The following IGF1 variants were observed in gnomAD, a reference collection of about 807,000 sequenced individuals.
The protein encoded by IGF1 is insulin like growth factor 1.
Under a neutral mutation model 13.8 loss-of-function variants are expected in IGF1, and 4 were observed. The observed-to-expected ratio is 0.29, with a 90% CI of 0.14 to 0.66. The LOEUF is 0.66. Among genes scored for constraint, IGF1 ranks in the 30% least tolerant of loss-of-function variants. The pLI is 0.78. For missense variants in IGF1, 124 were observed against 188.5 expected (o/e 0.66, Z 2.00); for synonymous variants, 76 against 72.6 (o/e 1.05, Z -0.23).
At chr12:102,415,567 C>CTTCCTTCCTTCCTTCT (rs1875051104) in intron 3 of IGF1, 2 of 141,806 alleles carry the variant, frequency 1.4e-5, no homozygotes, top group Non-Finnish European at 3.1e-5. Context: ...TCCTTCCTTC[C>CTTCCTTCCTTCCTTCT]TTCCTTCCTT....
intron 2 of IGF1, among the ~76,000 whole-genome samples, chr12:102,422,000 T>C (rs994250476): frequency 1.3e-5 from 2 of 151,854 alleles, no homozygotes; most frequent in Non-Finnish European, 2.9e-5. Context: ...TCTTGTAAAA[T>C]AGAAAGTCAT....
At chr12:102,458,734 A>AAAAAAAAAC (rs1215404060) in intron 2 of IGF1, among the ~76,000 whole-genome samples, 1 of 144,902 alleles carries the variant, frequency 6.9e-6, no homozygotes, top group East Asian at 1.9e-4. Flanking sequence ...ACTGACCAAA[A>AAAAAAAAAC]AAAAAAAAAA....
At chr12:102,407,160 CAAT>C (rs1472008348) in intron 3 of IGF1, among the ~76,000 whole-genome samples, 2 of 127,350 alleles carry the variant, frequency 1.6e-5, no homozygotes, top group African/African-American at 5.9e-5. Flanking sequence ...ATAACAACGG[CAAT>C]AATAATAATC....
intron 2 of IGF1, among the ~76,000 whole-genome samples, chr12:102,471,612 C>T (rs1032246773): frequency 6.6e-6 from 1 of 152,292 alleles, no homozygotes; most frequent in South Asian, 2.1e-4. Flanking sequence ...AATAACTATA[C>T]ATTGGAAGTA....
At chr12:102,427,547 C>T (rs1876319032) in intron 2 of IGF1, among the ~76,000 whole-genome samples, 1 of 152,224 alleles carries the variant, frequency 6.6e-6, no homozygotes, top group Non-Finnish European at 1.5e-5. Context: ...TTAGTCTCCT[C>T]ACTCAGGGAC....
Position 102,419,494 on chromosome 12 carries a change from C to T in IGF1, c.402+15G>A. 5.6e-6 allele frequency: 9 copies of T among 1,610,772 alleles called. No individual in the cohort carries two copies. The highest frequency in any genetic ancestry group is 6.8e-6 in the Non-Finnish European group (8 of 1,178,530). On this transcript the variant is annotated intron_variant, in intron 3 of 3. Transcript: ENST00000337514. ...ACCACTTGAGGATGGCTGGATCCCA[C>T]CCAGGTGGGCTTACCTTCTGGGTCT...
intron 2 of IGF1, among the ~76,000 whole-genome samples, chr12:102,441,896 C>A (rs1294151849): frequency 4.2e-5 from 2 of 48,006 alleles, no homozygotes; most frequent in Non-Finnish European, 9.3e-5. Flanking sequence ...CTAAGTCATT[C>A]TATTACACTG....
chr12:102,408,835 A>G (rs1456481915), intron 3 of IGF1, among the ~76,000 whole-genome samples: 2 of 152,108 alleles, frequency 1.3e-5, no homozygotes, highest in Non-Finnish European at 2.9e-5. Flanking sequence ...AATGTTTCCA[A>G]CCAATCTACT....
At chr12:102,475,212 A>G (rs972243445) in intron 2 of IGF1, among the ~76,000 whole-genome samples, 1 of 152,080 alleles carries the variant, frequency 6.6e-6, no homozygotes, top group Admixed American at 6.5e-5. Flanking sequence ...CCAGATCCAC[A>G]TGACTGGAGA....
At position 102,399,279 on chromosome 12, in the gene IGF1, G is replaced by C. The variant is rs1873488276; in HGVS notation, c.*3228C>G. On this transcript the variant is annotated 3_prime_UTR_variant, in exon 4 of 4. Transcript: ENST00000337514. ...TCAAATAATACTTTAATATTATTTGGGGAAGAGAGAACAGAAATTTGACCT... is the reference window on the plus strand; with the variant it reads ...TCAAATAATACTTTAATATTATTTGCGGAAGAGAGAACAGAAATTTGACCT... 6.6e-6 allele frequency: 1 copy of C among 152,368 alleles called. No homozygotes were observed. Among genetic ancestry groups the C allele is most frequent in the Admixed American group, 6.6e-5 (1 of 15,220 alleles). The allele number at this position is 152,368 out of a possible 1,614,324, so 9.4% of individuals were successfully genotyped here.
Position 102,475,736 on chromosome 12 carries a change from T to C in IGF1, c.127A>G (p.Thr43Ala), listed in dbSNP as rs1880980500. Residue 43 changes from threonine (T) to alanine (A), a missense_variant, in exon 2 of 4, where the codon ACC becomes GCC. This residue lies in a region of IGF1 where 99 missense variants were observed against 171.4 expected (regional missense o/e 0.58). Coordinates refer to ENST00000337514, the MANE Select transcript of IGF1 (RefSeq NM_000618.5). ...FYLALCLLTF[T>A]SSATAGPETL... Reference sequence around the variant, plus strand: ...TCCGGTCCAGCCGTGGCAGAGCTGGTGAAGGTGAGCAGGCACAGCGCCAGG... The same window carrying C: ...TCCGGTCCAGCCGTGGCAGAGCTGGCGAAGGTGAGCAGGCACAGCGCCAGG... The C allele has an allele frequency of 1.2e-6, 2 of 1,614,068 alleles. No homozygotes were observed. Among genetic ancestry groups the C allele is most frequent in the Non-Finnish European group, 1.7e-6 (2 of 1,180,010 alleles).
chr12:102,431,106 C>G (rs142875437), intron 2 of IGF1, among the ~76,000 whole-genome samples: 1 of 152,206 alleles, frequency 6.6e-6, no homozygotes, highest in Non-Finnish European at 1.5e-5. Context: ...GGGTCTCTTT[C>G]TCTTAGCCTT....
At chr12:102,412,905 A>G (rs1051111643) in intron 3 of IGF1, among the ~76,000 whole-genome samples, 3 of 152,226 alleles carry the variant, frequency 2.0e-5, no homozygotes, top group Admixed American at 6.5e-5. Context: ...TAAAGGCATT[A>G]AGGAGTCCCA....
intron 2 of IGF1, among the ~76,000 whole-genome samples, chr12:102,432,606 A>G (rs1375015264): frequency 6.6e-6 from 1 of 152,228 alleles, no homozygotes; most frequent in African/African-American, 2.4e-5. Flanking sequence ...GTGAGTTAGA[A>G]TAAATGAACC....
At position 102,408,556 on chromosome 12, in the gene IGF1, A is replaced by C. The variant is rs535311414; in HGVS notation, c.403-5990T>G. On this transcript the variant is annotated intron_variant, in intron 3 of 3. Transcript: ENST00000337514. The stretch of plus-strand genomic sequence containing the variant: ...ACACAGTTTTGGTTAGCCCAGCATC[A>C]CGTTTTTTTCTGGAAACCTCACCCC... 5.3e-5 allele frequency among the ~76,000 whole-genome samples: 8 copies of C among 152,216 alleles called. No homozygotes were observed. The East Asian group carries it at 1.5e-3, about 29-fold the overall frequency.
At chr12:102,406,260 T>G (rs1306089856) in intron 3 of IGF1, among the ~76,000 whole-genome samples, 4 of 152,240 alleles carry the variant, frequency 2.6e-5, no homozygotes, top group African/African-American at 9.6e-5. Context: ...TTGCTCATTG[T>G]CTTAACTTAA....
intron 2 of IGF1, among the ~76,000 whole-genome samples, chr12:102,470,157 T>C (rs1377855503): frequency 6.6e-6 from 1 of 152,198 alleles, no homozygotes; most frequent in African/African-American, 2.4e-5. Flanking sequence ...TAATAACTAA[T>C]TTAATCCTAA....
At chr12:102,431,595 G>A (rs1253635238) in intron 2 of IGF1, among the ~76,000 whole-genome samples, 1 of 152,104 alleles carries the variant, frequency 6.6e-6, no homozygotes, top group Non-Finnish European at 1.5e-5. Context: ...CATACATCTA[G>A]TAAGCTGCAA....
intron 3 of IGF1, among the ~76,000 whole-genome samples, chr12:102,415,946 C>T (rs1340853404): frequency 1.3e-5 from 2 of 152,174 alleles, no homozygotes; most frequent in African/African-American, 4.8e-5. Context: ...ATCCACTTTG[C>T]AACCACAGCA....
Sources: allele counts gnomAD v4.1 joint callset (sites outside exome capture counted in the v4.1 genomes callset), GRCh38; gene constraint gnomAD v4.1.1; regional missense constraint gnomAD v4.1.1; transcripts MANE v1.5; gene names NCBI Gene and HGNC (gene_info 2026-07-23, HGNC 2026-07-21).